COMMD10: variants seen among roughly 807,000 people sequenced by gnomAD.
COMMD10 encodes COMM domain-containing protein 10.
In COMMD10, 33 loss-of-function variants were observed where a neutral mutation model predicts 28.9. That is an observed-to-expected ratio of 1.14 (90% confidence interval 0.87 to 1.53). COMMD10 has a LOEUF of 1.53. COMMD10 is among the 40% of genes most tolerant of loss of function. The pLI is 0.00. For synonymous variants in COMMD10, 110 were observed against 81.7 expected, an observed-to-expected ratio of 1.35 and a Z score of -1.87; for missense variants, 310 against 233.4, an observed-to-expected ratio of 1.33 and a Z score of -2.14.
chr5:116,134,577 G>A (rs1429547649), intron 5 of COMMD10, among the ~76,000 whole-genome samples: 2 of 152,126 alleles, frequency 1.3e-5, no homozygotes, highest in Non-Finnish European at 2.9e-5. Context: ...GTGTGTAGTA[G>A]TATAGTATGC....
At chr5:116,259,263 A>T (rs896751601) in intron 5 of COMMD10, among the ~76,000 whole-genome samples, 1 of 150,242 alleles carries the variant, frequency 6.7e-6, no homozygotes, top group Non-Finnish European at 1.5e-5. Flanking sequence ...GGATCTCACC[A>T]TGTTGGCCAG....
intron 5 of COMMD10, among the ~76,000 whole-genome samples, chr5:116,186,963 A>C (rs1748157968): frequency 6.6e-6 from 1 of 152,172 alleles, no homozygotes; most frequent in African/African-American, 2.4e-5. Context: ...AACTAGAAAT[A>C]TGTAATAATT....
intron 5 of COMMD10, among the ~76,000 whole-genome samples, chr5:116,287,812 A>T (rs67412230): frequency 6.6e-6 from 1 of 151,612 alleles, no homozygotes; most frequent in African/African-American, 2.4e-5. Flanking sequence ...ACTGATAACA[A>T]CCTAACTCTA....
At chr5:116,159,300 T>A (rs1162953987) in intron 5 of COMMD10, among the ~76,000 whole-genome samples, 1 of 152,326 alleles carries the variant, frequency 6.6e-6, no homozygotes, top group East Asian at 1.9e-4. Flanking sequence ...TGCCTTGTTT[T>A]TCCTGACACT....
At chr5:116,230,980 GA>G (rs1213910885) in intron 5 of COMMD10, among the ~76,000 whole-genome samples, 6 of 152,128 alleles carry the variant, frequency 3.9e-5, no homozygotes, top group Non-Finnish European at 8.8e-5. Context: ...TAATTGTGGG[GA>G]GTGGGGATAG....
At chr5:116,195,339 A>G (rs1022755141) in intron 5 of COMMD10, among the ~76,000 whole-genome samples, 1 of 152,172 alleles carries the variant, frequency 6.6e-6, no homozygotes, top group Non-Finnish European at 1.5e-5. Flanking sequence ...AGAAAGAAAT[A>G]AAGAGCATCC....
At chr5:116,120,653 A>G (rs943361812) in intron 4 of COMMD10, among the ~76,000 whole-genome samples, 1 of 152,228 alleles carries the variant, frequency 6.6e-6, no homozygotes, top group Non-Finnish European at 1.5e-5. Context: ...AGTATTTTAT[A>G]TAAATGGACT....
intron 5 of COMMD10, among the ~76,000 whole-genome samples, chr5:116,253,993 C>G (rs951645573): frequency 6.6e-6 from 1 of 152,138 alleles, no homozygotes; most frequent in Non-Finnish European, 1.5e-5. Flanking sequence ...TTGGTCTTTT[C>G]AGAGATTGAA....
At position 116,129,237 on chromosome 5, in the gene COMMD10, A is replaced by G. The variant is rs529803528; in HGVS notation, c.400-4831A>G. On this transcript the variant is annotated intron_variant, in intron 4 of 6. Transcript: ENST00000274458. ...ATATATTCTTTATCCTGATTCACCA[A>G]TTGTTTACATTTGTTTTACGTTTTT... 7.4e-4 allele frequency among the ~76,000 whole-genome samples: 112 copies of G among 151,022 alleles called. 1 individual carries two copies. The South Asian group carries it at 0.023, about 31-fold the overall frequency.
intron 5 of COMMD10, among the ~76,000 whole-genome samples, chr5:116,212,523 TA>T (rs769608871): frequency 5.6e-5 from 4 of 71,492 alleles, no homozygotes; most frequent in Non-Finnish European, 1.3e-4. Flanking sequence ...TGTGTGTGTG[TA>T]GAATGTGAGG....
At chr5:116,215,401 A>C (rs1001018157) in intron 5 of COMMD10, among the ~76,000 whole-genome samples, 1 of 151,902 alleles carries the variant, frequency 6.6e-6, no homozygotes, top group African/African-American at 2.4e-5. Context: ...AGCTTTTATA[A>C]AATTTGAAAA....
At chr5:116,131,617 G>A (rs1278354407) in intron 4 of COMMD10, among the ~76,000 whole-genome samples, 3 of 152,090 alleles carry the variant, frequency 2.0e-5, no homozygotes, top group African/African-American at 2.4e-5. Context: ...GGAATCTTTA[G>A]TGTTGACTCT....
intron 5 of COMMD10, among the ~76,000 whole-genome samples, chr5:116,234,840 G>A (rs927560535): frequency 4.6e-5 from 7 of 152,142 alleles, no homozygotes; most frequent in Admixed American, 4.6e-4. Context: ...TAATGGTGGC[G>A]GAGCACAGGG....
chr5:116,215,853 TA>T (rs1261970971), intron 5 of COMMD10, among the ~76,000 whole-genome samples: 2 of 150,880 alleles, frequency 1.3e-5, no homozygotes, highest in African/African-American at 4.8e-5. Flanking sequence ...AGTCTTCTTT[TA>T]AAAAAAAATT....
intron 5 of COMMD10, among the ~76,000 whole-genome samples, chr5:116,198,382 C>T (rs1748583454): frequency 6.6e-6 from 1 of 152,068 alleles, no homozygotes; most frequent in Non-Finnish European, 1.5e-5. Flanking sequence ...TTTTTCAGAG[C>T]AGTGTTAGGT....
intron 5 of COMMD10, among the ~76,000 whole-genome samples, chr5:116,152,913 T>G (rs1752582311): frequency 6.6e-6 from 1 of 152,104 alleles, no homozygotes; most frequent in Non-Finnish European, 1.5e-5. Flanking sequence ...AACAGATGAG[T>G]ACAATAATTT....
chr5:116,096,073 T>C (rs1380281624), intron 4 of COMMD10, among the ~76,000 whole-genome samples: 2 of 152,082 alleles, frequency 1.3e-5, no homozygotes, highest in Non-Finnish European at 2.9e-5. Flanking sequence ...TTTTTTATAA[T>C]TGTTTTGGCA....
chr5:116,244,257 G>A (rs1749884395), intron 5 of COMMD10, among the ~76,000 whole-genome samples: 1 of 151,932 alleles, frequency 6.6e-6, no homozygotes, highest in Non-Finnish European at 1.5e-5. Context: ...CCAGGTATCA[G>A]TAATTGATTC....
At chr5:116,155,467 G>A (rs1752677629) in intron 5 of COMMD10, among the ~76,000 whole-genome samples, 1 of 151,984 alleles carries the variant, frequency 6.6e-6, no homozygotes, top group South Asian at 2.1e-4. Context: ...TGTTAGGGGA[G>A]ATAAAAGATT....
Sources: allele counts gnomAD v4.1 joint callset (sites outside exome capture counted in the v4.1 genomes callset), GRCh38; gene constraint gnomAD v4.1.1; transcripts MANE v1.5; gene names NCBI Gene and HGNC (gene_info 2026-07-23, HGNC 2026-07-21).